The following LAMC1 variants were observed in gnomAD, a reference collection of about 807,000 sequenced individuals.
LAMC1 encodes laminin subunit gamma 1.
LAMC1 carries 38 observed loss-of-function variants against 173.6 expected under a neutral mutation model. The ratio of observed to expected loss-of-function variants is 0.22; its 90% confidence interval spans 0.17 to 0.29. LAMC1 has a LOEUF of 0.29. Among genes scored for constraint, LAMC1 ranks in the 10% least tolerant of loss-of-function variants. The probability of loss-of-function intolerance (pLI) is 1.00; values close to 1 mark genes in which losing one functional copy is unlikely to be tolerated. For missense variants in LAMC1, 1,824 were observed against 2,051.8 expected, an observed-to-expected ratio of 0.89 and a Z score of 2.14; for synonymous variants, 746 against 749.1, an observed-to-expected ratio of 1.00 and a Z score of 0.07.
intron 1 of LAMC1, among the ~76,000 whole-genome samples, chr1:183,103,046 G>T (rs1655874332): frequency 6.6e-6 from 1 of 152,194 alleles, no homozygotes; most frequent in Admixed American, 6.5e-5. Flanking sequence ...TTAATTAATA[G>T]TATAAGTACA....
intron 13 of LAMC1, 129 bp from the exon 14 acceptor site, chr1:183,124,502 C>T: frequency 1.8e-6 from 2 of 1,129,742 alleles, no homozygotes; most frequent in East Asian, 2.4e-5. Flanking sequence ...AGCCCAGGTC[C>T]TCTGCCCTCC....
chr1:183,128,497 T>A, intron 17 of LAMC1, 97 bp from the exon 18 acceptor site: 1 of 902,000 alleles, frequency 1.1e-6, no homozygotes, highest in Non-Finnish European at 1.6e-6. Context: ...AACTACATAT[T>A]CATGGAGTGC....
At chr1:183,104,080 T>A (rs1020364772) in intron 2 of LAMC1, among the ~76,000 whole-genome samples, 1 of 152,226 alleles carries the variant, frequency 6.6e-6, no homozygotes, top group African/African-American at 2.4e-5. Flanking sequence ...TGAAGCAAGA[T>A]ATTTAAGAAT....
chr1:183,105,942 A>G (rs1484707825), intron 2 of LAMC1, among the ~76,000 whole-genome samples: 2 of 152,234 alleles, frequency 1.3e-5, no homozygotes, highest in Middle Eastern at 3.2e-3. Flanking sequence ...AATAATTTAC[A>G]TTTATTAAAG....
intron 1 of LAMC1, among the ~76,000 whole-genome samples, chr1:183,052,636 C>G (rs1654462485): frequency 2.0e-5 from 3 of 152,060 alleles, no homozygotes; most frequent in African/African-American, 7.2e-5. Context: ...TGCTCAGCCA[C>G]TTAACTTTCT....
intron 1 of LAMC1, among the ~76,000 whole-genome samples, chr1:183,097,497 T>C (rs929934169): frequency 6.6e-6 from 1 of 152,246 alleles, no homozygotes; most frequent in Non-Finnish European, 1.5e-5. Context: ...GCTATTGTCA[T>C]TCATTACTAA....
chr1:183,103,224 A>G (rs1410849980), intron 1 of LAMC1, 104 bp from the exon 2 acceptor site: 1 of 1,089,858 alleles, frequency 9.2e-7, no homozygotes, highest in Non-Finnish European at 1.3e-6. Flanking sequence ...GATGTGTACA[A>G]GGAGATTTAT....
intron 4 of LAMC1, among the ~76,000 whole-genome samples, chr1:183,112,436 G>C (rs546094492): frequency 6.6e-6 from 1 of 152,098 alleles, no homozygotes; most frequent in Non-Finnish European, 1.5e-5. Context: ...AATGAACTGA[G>C]TACTGTAGCT....
chr1:183,133,158 A>G (rs1166577910), intron 21 of LAMC1, among the ~76,000 whole-genome samples: 1 of 152,038 alleles, frequency 6.6e-6, no homozygotes, highest in Non-Finnish European at 1.5e-5. Context: ...TGATCTGCTC[A>G]CCTCAGCCTC....
rs56152259 is a variant in LAMC1, at chr1:183,140,245, C to CAAAAA, written c.4474-143_4474-139dup. On this transcript the variant is annotated intron_variant, in intron 26 of 27. Coordinates refer to ENST00000258341, the MANE Select transcript of LAMC1 (RefSeq NM_002293.4). ...ATATGAAGATATGCAGCAGCCCCACCAAAAAAAAAAAAAAAAAAAAGCAAT... is the reference window on the plus strand; with the variant it reads ...ATATGAAGATATGCAGCAGCCCCACCAAAAAAAAAAAAAAAAAAAAAAAAAGCAAT... 1.1e-3 allele frequency among the ~76,000 whole-genome samples: 58 copies of CAAAAA among 52,878 alleles called. 2 individuals carry two copies. Among genetic ancestry groups the CAAAAA allele is most frequent in the African/African-American group, 1.8e-3 (25 of 14,124 alleles). 34.7% of individuals were successfully genotyped at this position (52,878 alleles called of 152,430 possible).
At chr1:183,125,072 T>G (rs775611258) in intron 14 of LAMC1, 196 bp downstream of exon 14, 173 of 660,578 alleles carry the variant, frequency 2.6e-4, no homozygotes, top group Non-Finnish European at 3.7e-4. Flanking sequence ...ACACCTGTGG[T>G]CCTGTAAAAA....
chr1:183,067,421 A>G (rs931391884), intron 1 of LAMC1, among the ~76,000 whole-genome samples: 3 of 152,174 alleles, frequency 2.0e-5, no homozygotes, highest in Non-Finnish European at 2.9e-5. Context: ...TGTTGGCAGT[A>G]GTAGTTTCCT....
At position 183,132,497 on chromosome 1, in the gene LAMC1, G is replaced by A. The variant is rs747072031; in HGVS notation, c.3664G>A (p.Glu1222Lys). 1 of 1,613,918 alleles carries A rather than the reference G, an allele frequency of 6.2e-7. No homozygotes were observed. Among genetic ancestry groups the A allele is most frequent in the South Asian group, 1.1e-5 (1 of 91,058 alleles). ...YNLLLRTLAG[E>K]NQTAFEIEEL... ...CCTGCTTCTGAGGACACTGGCAGGA[G>A]AAAATCAAACAGCATTTGAGATTGA... Residue 1222 changes from glutamate (E) to lysine (K), a missense_variant, in exon 21 of 28, where the codon GAA becomes AAA. Coordinates refer to ENST00000258341, the MANE Select transcript of LAMC1 (RefSeq NM_002293.4).
At chr1:183,101,118 G>A (rs928822786) in intron 1 of LAMC1, among the ~76,000 whole-genome samples, 3 of 152,184 alleles carry the variant, frequency 2.0e-5, no homozygotes, top group African/African-American at 2.4e-5. Context: ...CTGCCGTTGG[G>A]TTGCTAAAGA....
intron 1 of LAMC1, among the ~76,000 whole-genome samples, chr1:183,041,181 G>A (rs1393456116): frequency 6.6e-6 from 1 of 152,200 alleles, no homozygotes; most frequent in Non-Finnish European, 1.5e-5. Context: ...CTACAGAAAA[G>A]AGTACTGTGT....
chr1:183,054,057 G>A (rs1296908214), intron 1 of LAMC1, among the ~76,000 whole-genome samples: 2 of 152,186 alleles, frequency 1.3e-5, no homozygotes, highest in East Asian at 1.9e-4. Context: ...AAGCAGTACT[G>A]CCTATTGAGG....
intron 1 of LAMC1, among the ~76,000 whole-genome samples, chr1:183,047,863 A>G (rs969231930): frequency 6.6e-6 from 1 of 152,220 alleles, no homozygotes; most frequent in African/African-American, 2.4e-5. Context: ...CTTTGTCTTT[A>G]CACATAAACA....
chr1:183,024,774 C>G (rs1443764850), intron 1 of LAMC1, among the ~76,000 whole-genome samples: 1 of 152,244 alleles, frequency 6.6e-6, no homozygotes, highest in African/African-American at 2.4e-5. Context: ...AGGAAGTGCA[C>G]TCACTGTAAT....
intron 1 of LAMC1, among the ~76,000 whole-genome samples, chr1:183,031,781 A>G (rs891756550): frequency 6.6e-6 from 1 of 152,232 alleles, no homozygotes; most frequent in Admixed American, 6.5e-5. Context: ...TCAAGTTGTC[A>G]GCTTGAAAGT....
Sources: gnomAD v4.1 joint callset for allele counts (sites outside exome capture counted in the v4.1 genomes callset) on GRCh38, gnomAD v4.1.1 for gene constraint, MANE v1.5 for transcripts, NCBI Gene and HGNC (gene_info 2026-07-23, HGNC 2026-07-21) for gene names.